Variants in CS observed in about 807,000 individuals in gnomAD.
CS encodes citrate synthase, mitochondrial.
CS carries 13 observed loss-of-function variants against 61.4 expected under a neutral mutation model. The observed-to-expected ratio is 0.21, with a 90% CI of 0.14 to 0.34. The LOEUF is 0.34. Among genes scored for constraint, CS ranks in the 10% least tolerant of loss-of-function variants. The pLI, the probability that CS is intolerant of heterozygous loss-of-function variation, is 1.00. For synonymous variants in CS, 159 were observed against 215.2 expected, an observed-to-expected ratio of 0.74 and a Z score of 2.29; for missense variants, 278 against 573.4, an observed-to-expected ratio of 0.48 and a Z score of 5.26.
In CS at chr12:56,273,235, A is replaced by C. The variant is rs774054252; in HGVS notation, c.1250T>G (p.Met417Arg). The C allele has an allele frequency of 3.7e-6, 6 of 1,614,122 alleles. No individual in the cohort carries two copies. Among genetic ancestry groups the C allele is most frequent in the Non-Finnish European group, 4.2e-6 (5 of 1,179,988 alleles). Residue 417 changes from methionine to arginine, a missense_variant, in exon 11 of 11, where the codon ATG becomes AGG. Physicochemically the swap from Met to Arg is moderately conservative, Grantham distance 91. Transcript: ENST00000351328. ...VLLQYYGMTE[M>R]NYYTVLFGVS... The stretch of plus-strand genomic sequence containing the variant: ...CCCAAACAGGACCGTGTAGTAATTC[A>C]TCTCCGTCATGCCATAATACTGTAA...
intron 6 of CS, among the ~76,000 whole-genome samples, chr12:56,280,528 G>A (rs1380714732): frequency 6.6e-6 from 1 of 151,910 alleles, no homozygotes; most frequent in African/African-American, 2.4e-5. Context: ...TTGGGAGGCT[G>A]AGGCAGGAGG....
chr12:56,276,332 G>A, intron 6 of CS, 137 bp from the exon 7 acceptor site: 1 of 674,378 alleles, frequency 1.5e-6, no homozygotes, highest in South Asian at 1.8e-5. Flanking sequence ...GTTATATATT[G>A]AGTATGTTTG....
chr12:56,288,569 C>T (rs1333303744), intron 1 of CS, among the ~76,000 whole-genome samples: 2 of 151,912 alleles, frequency 1.3e-5, no homozygotes, highest in African/African-American at 2.4e-5. Context: ...CTCCTGACAT[C>T]TGGTGATACG....
At chr12:56,290,879 TAGTCA>T (rs1298970188) in intron 1 of CS, among the ~76,000 whole-genome samples, 1 of 152,224 alleles carries the variant, frequency 6.6e-6, no homozygotes, top group Non-Finnish European at 1.5e-5. Flanking sequence ...TATGCAAAAG[TAGTCA>T]AGTCTTGTTA....
intron 10 of CS, 44 bp downstream of exon 10, chr12:56,273,543 G>T: frequency 6.3e-7 from 1 of 1,577,934 alleles, no homozygotes; most frequent in Non-Finnish European, 8.7e-7. Context: ...ATAACAATAG[G>T]GTTTGGTACA....
At chr12:56,286,909 C>T (rs1872956301) in intron 1 of CS, among the ~76,000 whole-genome samples, 1 of 152,168 alleles carries the variant, frequency 6.6e-6, no homozygotes, top group Non-Finnish European at 1.5e-5. Flanking sequence ...GGCTCCAGAG[C>T]AGGGCGGTTA....
chr12:56,292,730 CAA>C (rs531365770), intron 1 of CS, among the ~76,000 whole-genome samples: 1,968 of 56,828 alleles, frequency 0.035, 19 homozygotes, highest in Admixed American at 0.058. Context: ...TAAAAAAATA[CAA>C]AAAAAAAAAA....
intron 1 of CS, among the ~76,000 whole-genome samples, chr12:56,295,109 T>A (rs910296445): frequency 1.4e-4 from 22 of 151,768 alleles, no homozygotes; most frequent in African/African-American, 5.3e-4. Context: ...TTTTTTTTTT[T>A]AAGAGACAAG....
At chr12:56,278,447 T>C (rs1387941250) in intron 6 of CS, among the ~76,000 whole-genome samples, 1 of 152,076 alleles carries the variant, frequency 6.6e-6, no homozygotes, top group Non-Finnish European at 1.5e-5. Flanking sequence ...TTTTAAAAAG[T>C]TGATAAACAG....
At chr12:56,280,641 T>TAAA (rs962062718) in intron 6 of CS, among the ~76,000 whole-genome samples, 2 of 150,742 alleles carry the variant, frequency 1.3e-5, no homozygotes, top group African/African-American at 4.9e-5. Flanking sequence ...AAAATAAAAA[T>TAAA]AAAAATGGCT....
At chr12:56,292,059 C>G (rs1401302213) in intron 1 of CS, among the ~76,000 whole-genome samples, 2 of 152,184 alleles carry the variant, frequency 1.3e-5, no homozygotes, top group African/African-American at 4.8e-5. Context: ...GGTATGGTGA[C>G]TCACACCTTC....
At chr12:56,284,319 C>CAAAAAAAAAA (rs57352870) in intron 3 of CS, among the ~76,000 whole-genome samples, 12 of 73,360 alleles carry the variant, frequency 1.6e-4, no homozygotes, top group South Asian at 5.0e-4. Flanking sequence ...AACTCCATCT[C>CAAAAAAAAAA]AAAAAAAAAA....
chr12:56,286,961 C>T (rs3816804), intron 1 of CS, among the ~76,000 whole-genome samples: 10,506 of 152,184 alleles, frequency 0.069, 450 homozygotes, highest in East Asian at 0.18. Context: ...AATGAGGAAA[C>T]TGAGCAATTA....
intron 6 of CS, among the ~76,000 whole-genome samples, chr12:56,280,431 A>AC (rs1271625419): frequency 1.1e-4 from 16 of 145,032 alleles, no homozygotes; most frequent in African/African-American, 3.7e-4. Flanking sequence ...AAAACAAAAA[A>AC]AAAAAACAAA....
intron 6 of CS, among the ~76,000 whole-genome samples, chr12:56,277,372 G>A (rs1412422713): frequency 1.9e-4 from 29 of 150,948 alleles, no homozygotes; most frequent in African/African-American, 6.3e-4. Flanking sequence ...GGTGGTGGGC[G>A]CCTGTAGTCC....
intron 1 of CS, among the ~76,000 whole-genome samples, chr12:56,292,343 A>T (rs1345159283): frequency 6.6e-6 from 1 of 150,500 alleles, no homozygotes; most frequent in Non-Finnish European, 1.5e-5. Context: ...GCGAGCCGAG[A>T]TTGTGCCACT....
rs199624776 is a variant in CS, at chr12:56,282,406, C to A, written c.588+14G>T. ...TCCCCATCACACACCGATCACCCCA[C>A]CCAAATTTCCTACCTCCCAGTACTT... On this transcript the variant is annotated intron_variant, in intron 6 of 10. Coordinates refer to ENST00000351328, the MANE Select transcript of CS (RefSeq NM_004077.3). 4 of 1,569,172 alleles carry A rather than the reference C, an allele frequency of 2.5e-6. No individual in the cohort carries two copies. The highest frequency in any genetic ancestry group is 3.5e-6 in the Non-Finnish European group (4 of 1,155,356).
intron 6 of CS, among the ~76,000 whole-genome samples, chr12:56,279,005 C>T (rs1872700508): frequency 6.6e-6 from 1 of 152,072 alleles, no homozygotes; most frequent in Admixed American, 6.5e-5. Context: ...GAACTCCTGA[C>T]CTCAAGTGAT....
chr12:56,277,603 T>G (rs960335721), intron 6 of CS, among the ~76,000 whole-genome samples: 5 of 152,104 alleles, frequency 3.3e-5, no homozygotes, highest in Non-Finnish European at 7.4e-5. Flanking sequence ...GATATGCAAT[T>G]GTTATTTAAT....
Sources: allele counts gnomAD v4.1 joint callset (sites outside exome capture counted in the v4.1 genomes callset), GRCh38; gene constraint gnomAD v4.1.1; transcripts MANE v1.5; gene names NCBI Gene and HGNC (gene_info 2026-07-23, HGNC 2026-07-21).